The following HS6ST3 variants were observed in gnomAD, a reference collection of about 807,000 sequenced individuals.
HS6ST3 encodes heparan-sulfate 6-O-sulfotransferase 3.
HS6ST3 carries 12 observed loss-of-function variants against 36.7 expected under a neutral mutation model. The ratio of observed to expected loss-of-function variants is 0.33; its 90% CI spans 0.21 to 0.53. The LOEUF (loss-of-function observed/expected upper bound fraction) is 0.53. HS6ST3 is among the 20% of genes least tolerant of loss of function. HS6ST3 has a pLI of 0.95. For synonymous variants in HS6ST3, 240 were observed against 257.5 expected (o/e 0.93, Z 0.65); for missense variants, 584 against 640.9 (o/e 0.91, Z 0.96).
intron 1 of HS6ST3, among the ~76,000 whole-genome samples, chr13:96,496,921 C>G (rs1012008152): frequency 6.6e-6 from 1 of 152,120 alleles, no homozygotes; most frequent in Non-Finnish European, 1.5e-5. Flanking sequence ...GACTAACACA[C>G]ATATAGGGAT....
intron 1 of HS6ST3, among the ~76,000 whole-genome samples, chr13:96,190,755 G>A (rs1047573005): frequency 3.3e-5 from 5 of 152,198 alleles, no homozygotes; most frequent in African/African-American, 4.8e-5. Flanking sequence ...GGATAGTTAG[G>A]GCAGGCCTCG....
At chr13:96,765,577 G>GCGCTCTCT (rs1877088023) in intron 1 of HS6ST3, among the ~76,000 whole-genome samples, 6 of 127,010 alleles carry the variant, frequency 4.7e-5, no homozygotes, top group Admixed American at 7.7e-5. Context: ...AGATGTATGC[G>GCGCTCTCT]CTCTCTCTCT....
chr13:96,106,783 G>A (rs933630526), intron 1 of HS6ST3, among the ~76,000 whole-genome samples: 2 of 152,226 alleles, frequency 1.3e-5, no homozygotes, highest in Non-Finnish European at 1.5e-5. Flanking sequence ...GTCATTAGCT[G>A]AGAGTCGTGA....
At chr13:96,510,032 G>T (rs2056042785) in intron 1 of HS6ST3, among the ~76,000 whole-genome samples, 1 of 152,012 alleles carries the variant, frequency 6.6e-6, no homozygotes, top group African/African-American at 2.4e-5. Context: ...GCAGTGTTTT[G>T]TGGTTCTCCG....
At chr13:96,105,050 CA>C (rs2053834937) in intron 1 of HS6ST3, among the ~76,000 whole-genome samples, 1 of 116,844 alleles carries the variant, frequency 8.6e-6, no homozygotes, top group African/African-American at 3.1e-5. Context: ...TGTAATTAAC[CA>C]AAGGCATAAA....
chr13:96,265,909 G>A (rs934698287), intron 1 of HS6ST3, among the ~76,000 whole-genome samples: 2 of 152,112 alleles, frequency 1.3e-5, no homozygotes, highest in Non-Finnish European at 2.9e-5. Context: ...AGGAATATTG[G>A]GTAGTTTGCT....
intron 1 of HS6ST3, among the ~76,000 whole-genome samples, chr13:96,555,286 C>T (rs2056236184): frequency 6.6e-6 from 1 of 152,072 alleles, no homozygotes. Context: ...TTCAAAACGT[C>T]ATGTTGTACA....
At chr13:96,599,270 G>A (rs1370343236) in intron 1 of HS6ST3, among the ~76,000 whole-genome samples, 1 of 151,832 alleles carries the variant, frequency 6.6e-6, no homozygotes, top group African/African-American at 2.4e-5. Context: ...CTGGTTCTGG[G>A]CTTTTTCTTG....
At chr13:96,295,897 A>G (rs1384195092) in intron 1 of HS6ST3, among the ~76,000 whole-genome samples, 1 of 152,066 alleles carries the variant, frequency 6.6e-6, no homozygotes, top group Non-Finnish European at 1.5e-5. Context: ...CAAATGCTTA[A>G]TGGAGGGCCT....
At chr13:96,386,643 G>A (rs1233359409) in intron 1 of HS6ST3, among the ~76,000 whole-genome samples, 1 of 152,062 alleles carries the variant, frequency 6.6e-6, no homozygotes, top group Non-Finnish European at 1.5e-5. Flanking sequence ...GAGGTGGGTG[G>A]ATCACAAGGT....
At chr13:96,808,998 C>T (rs540171419) in intron 1 of HS6ST3, among the ~76,000 whole-genome samples, 1 of 152,118 alleles carries the variant, frequency 6.6e-6, no homozygotes, top group African/African-American at 2.4e-5. Flanking sequence ...GAAATGATGG[C>T]ATTACCCTCC....
intron 1 of HS6ST3, among the ~76,000 whole-genome samples, chr13:96,452,477 A>G (rs1239201513): frequency 3.9e-5 from 6 of 152,220 alleles, no homozygotes; most frequent in Non-Finnish European, 7.3e-5. Context: ...ATATGCAATC[A>G]CAAATCCAAT....
At chr13:96,160,111 G>A (rs956769421) in intron 1 of HS6ST3, among the ~76,000 whole-genome samples, 1 of 152,182 alleles carries the variant, frequency 6.6e-6, no homozygotes, top group Admixed American at 6.5e-5. Flanking sequence ...GTGAATAATA[G>A]CAATAATAAC....
intron 1 of HS6ST3, among the ~76,000 whole-genome samples, chr13:96,550,438 C>A (rs1007082584): frequency 1.3e-5 from 2 of 152,100 alleles, no homozygotes; most frequent in African/African-American, 4.8e-5. Context: ...GAACTGTGAG[C>A]CAAATGAAGG....
chr13:96,684,449 A>G (rs1360411344), intron 1 of HS6ST3, among the ~76,000 whole-genome samples: 1 of 152,090 alleles, frequency 6.6e-6, no homozygotes, highest in African/African-American at 2.4e-5. Context: ...AGTCAGAAAT[A>G]TAAGTGGAAT....
At chr13:96,163,322 C>T (rs990898706) in intron 1 of HS6ST3, among the ~76,000 whole-genome samples, 3 of 149,614 alleles carry the variant, frequency 2.0e-5, no homozygotes, top group South Asian at 2.1e-4. Context: ...CTCCGCCCCC[C>T]GGGTTCACGA....
chr13:96,374,910 T>TA (rs2055307302), intron 1 of HS6ST3, among the ~76,000 whole-genome samples: 1 of 152,166 alleles, frequency 6.6e-6, no homozygotes, highest in Admixed American at 6.5e-5. Context: ...GCATTAATTT[T>TA]ACGTATCAAC....
At chr13:96,488,440 T>G (rs1234934261) in intron 1 of HS6ST3, among the ~76,000 whole-genome samples, 2 of 152,246 alleles carry the variant, frequency 1.3e-5, no homozygotes, top group East Asian at 3.9e-4. Flanking sequence ...TTGTATTATA[T>G]ATCAAGGCAT....
chr13:96,626,376 C>A (rs2056512460), intron 1 of HS6ST3, among the ~76,000 whole-genome samples: 1 of 152,148 alleles, frequency 6.6e-6, no homozygotes, highest in African/African-American at 2.4e-5. Context: ...ATTGAAAAAT[C>A]TACCCTTTCT....
Sources: gnomAD v4.1 joint callset for allele counts (sites outside exome capture counted in the v4.1 genomes callset) on GRCh38, gnomAD v4.1.1 for gene constraint, MANE v1.5 for transcripts, NCBI Gene and HGNC (gene_info 2026-07-23, HGNC 2026-07-21) for gene names.